LDLRAD3: variants seen among roughly 807,000 people sequenced by gnomAD.
LDLRAD3 encodes low density lipoprotein receptor class A domain containing 3.
A neutral mutation model predicts 29.4 loss-of-function variants in LDLRAD3; 20 were observed. The observed-to-expected ratio is 0.68, with a 90% CI of 0.48 to 0.99. The LOEUF (loss-of-function observed/expected upper bound fraction) is 0.99, where lower values mean the gene tolerates loss of function less well. Among genes scored for constraint, LDLRAD3 ranks in the 50% least tolerant of loss-of-function variants. The pLI is 0.00. For missense variants in LDLRAD3, 420 were observed against 454.3 expected (o/e 0.92, Z 0.69); for synonymous variants, 157 against 192.7 (o/e 0.81, Z 1.53).
Position 36,206,415 on chromosome 11 carries a change from G to A in LDLRAD3, c.455-20670G>A, listed in dbSNP as rs542114547. Among the ~76,000 whole-genome samples, 24 of 152,308 alleles carry A rather than the reference G, an allele frequency of 1.6e-4. No homozygotes were observed. The South Asian group carries it at 4.6e-3, about 29-fold the overall frequency. On this transcript the variant is annotated intron_variant, in intron 4 of 5. Coordinates refer to ENST00000315571, the MANE Select transcript of LDLRAD3 (RefSeq NM_174902.4). ...TTAATGTTTGCTTTACGGAAGACTA[G>A]CTATGTCCGTAACTCTACAACGTGG...
At chr11:36,124,076 C>T (rs1258005102) in intron 4 of LDLRAD3, among the ~76,000 whole-genome samples, 1 of 152,212 alleles carries the variant, frequency 6.6e-6, no homozygotes, top group Non-Finnish European at 1.5e-5. Context: ...ATGCATTTGC[C>T]TGCATAATTG....
intron 1 of LDLRAD3, among the ~76,000 whole-genome samples, chr11:35,971,041 CAG>C (rs1005220317): frequency 6.6e-6 from 1 of 152,146 alleles, no homozygotes; most frequent in Non-Finnish European, 1.5e-5. Context: ...GCCCATTCTG[CAG>C]AGAGTTTAGA....
chr11:35,999,014 T>C (rs928875362), intron 1 of LDLRAD3, among the ~76,000 whole-genome samples: 9 of 152,192 alleles, frequency 5.9e-5, no homozygotes. Flanking sequence ...CCTGACACTG[T>C]GTAAAGCCCT....
intron 2 of LDLRAD3, among the ~76,000 whole-genome samples, chr11:36,077,167 G>A (rs1305311854): frequency 6.6e-6 from 1 of 152,112 alleles, no homozygotes; most frequent in Non-Finnish European, 1.5e-5. Context: ...TATCTTGTCT[G>A]ATATCAGTTC....
intron 1 of LDLRAD3, among the ~76,000 whole-genome samples, chr11:35,995,637 G>A (rs1851744307): frequency 6.6e-6 from 1 of 152,224 alleles, no homozygotes; most frequent in East Asian, 1.9e-4. Flanking sequence ...TGAAAGTCCT[G>A]GATGGCATCT....
chr11:36,098,335 C>G lies in LDLRAD3; in HGVS notation c.328C>G (p.Pro110Ala), dbSNP rs1590265349. ...GTGTTTTCCCTCTGCAGCAGCAAAC[C>G]CTCTGCTTTGCTCCACCGCCCGCTA... The part of the protein sequence containing the change: ...GSDEENCTAN[P>A]LLCSTARYHC... Residue 110 changes from proline (P) to alanine (A), a missense_variant, in exon 4 of 6, where the codon CCT (proline) becomes GCT (alanine). Coordinates refer to ENST00000315571, the MANE Select transcript of LDLRAD3 (RefSeq NM_174902.4). 6 of 1,614,020 alleles carry G rather than the reference C, an allele frequency of 3.7e-6. 1 individual carries two copies. Among genetic ancestry groups the G allele is most frequent in the Non-Finnish European group, 5.1e-6 (6 of 1,180,024 alleles).
Position 35,946,354 on chromosome 11 carries a change from C to T in LDLRAD3, c.46+2210C>T, listed in dbSNP as rs188775583. On this transcript the variant is annotated intron_variant, in intron 1 of 5. Coordinates refer to ENST00000315571, the MANE Select transcript of LDLRAD3 (RefSeq NM_174902.4). ...AAAGAATCCCAGGGTCAAGGTTGAA[C>T]CGTAGTTAGAGTCCTGAGTCTTTGT... Among the ~76,000 whole-genome samples the T allele has an allele frequency of 1.2e-4, 18 of 152,274 alleles. No individual in the cohort carries two copies. The East Asian group carries it at 3.5e-3, about 29-fold the overall frequency.
intron 4 of LDLRAD3, among the ~76,000 whole-genome samples, chr11:36,191,742 A>G (rs1336472605): frequency 6.6e-6 from 1 of 151,970 alleles, no homozygotes; most frequent in Non-Finnish European, 1.5e-5. Context: ...AATATATGGA[A>G]TGCTAAACAA....
chr11:36,159,929 G>A (rs115783111), intron 4 of LDLRAD3, among the ~76,000 whole-genome samples: 1,569 of 152,222 alleles, frequency 0.01, 37 homozygotes, highest in African/African-American at 0.036. Context: ...TGAGTCCTCC[G>A]GCAACTCATC....
intron 4 of LDLRAD3, among the ~76,000 whole-genome samples, chr11:36,191,416 G>A (rs983624376): frequency 7.9e-5 from 12 of 151,544 alleles, no homozygotes; most frequent in South Asian, 4.2e-4. Flanking sequence ...GGTGGTGCTC[G>A]CTTACAATCC....
At chr11:36,184,628 A>G (rs1854819146) in intron 4 of LDLRAD3, among the ~76,000 whole-genome samples, 1 of 152,160 alleles carries the variant, frequency 6.6e-6, no homozygotes, top group African/African-American at 2.4e-5. Context: ...GACCATTTCA[A>G]ACCAAGTTTT....
intron 2 of LDLRAD3, among the ~76,000 whole-genome samples, chr11:36,062,399 G>A (rs1213966818): frequency 6.6e-6 from 1 of 152,250 alleles, no homozygotes; most frequent in East Asian, 1.9e-4. Flanking sequence ...CCAGGGGTTC[G>A]GTCTAGGTCC....
intron 1 of LDLRAD3, among the ~76,000 whole-genome samples, chr11:35,978,102 T>G (rs1269848142): frequency 2.0e-5 from 3 of 152,088 alleles, no homozygotes; most frequent in Non-Finnish European, 4.4e-5. Context: ...TGCTCCAGAG[T>G]GAGGCACAGT....
chr11:36,224,765 T>C (rs1297772106), intron 4 of LDLRAD3, among the ~76,000 whole-genome samples: 3 of 152,174 alleles, frequency 2.0e-5, no homozygotes, highest in Non-Finnish European at 4.4e-5. Flanking sequence ...TTGGGATCAT[T>C]TGGGGAATCA....
intron 1 of LDLRAD3, among the ~76,000 whole-genome samples, chr11:36,014,552 C>T (rs1185885241): frequency 6.6e-6 from 1 of 152,158 alleles, no homozygotes; most frequent in East Asian, 1.9e-4. Context: ...CCTGCTCCCT[C>T]CTTTCCCGCC....
chr11:36,120,403 A>C (rs1853738570), intron 4 of LDLRAD3, among the ~76,000 whole-genome samples: 1 of 152,198 alleles, frequency 6.6e-6, no homozygotes, highest in Non-Finnish European at 1.5e-5. Context: ...AGTTGTACTC[A>C]TTGGAAACTG....
At chr11:36,025,361 T>G (rs1048508799) in intron 1 of LDLRAD3, among the ~76,000 whole-genome samples, 14 of 152,050 alleles carry the variant, frequency 9.2e-5, no homozygotes, top group African/African-American at 3.1e-4. Context: ...TTCCACTGAA[T>G]TCTAATATTT....
intron 4 of LDLRAD3, among the ~76,000 whole-genome samples, chr11:36,159,602 TAA>T (rs66512652): frequency 1.2e-4 from 7 of 58,470 alleles, no homozygotes; most frequent in African/African-American, 3.5e-4. Context: ...TTACAGAAAC[TAA>T]AAAAAAAAAA....
intron 4 of LDLRAD3, among the ~76,000 whole-genome samples, chr11:36,132,466 A>G (rs1339140340): frequency 6.6e-6 from 1 of 152,206 alleles, no homozygotes; most frequent in Non-Finnish European, 1.5e-5. Context: ...AGTGCTTTAT[A>G]TTTAAAATTT....
Sources: allele counts gnomAD v4.1 joint callset (sites outside exome capture counted in the v4.1 genomes callset), GRCh38; gene constraint gnomAD v4.1.1; transcripts MANE v1.5; gene names NCBI Gene and HGNC (gene_info 2026-07-23, HGNC 2026-07-21).